COG5: variants seen among roughly 807,000 people sequenced by gnomAD.
COG5 encodes the protein conserved oligomeric Golgi complex subunit 5.
In COG5, 86 loss-of-function variants were observed where a neutral mutation model predicts 110.4. That is an observed-to-expected ratio of 0.78 (90% CI 0.65 to 0.93). COG5 has a LOEUF of 0.93. COG5 is among the 40% of genes least tolerant of loss of function. The pLI is 0.00. For missense variants in COG5, 1,077 were observed against 987.0 expected (o/e 1.09, Z -1.22); for synonymous variants, 360 against 334.6 (o/e 1.08, Z -0.83).
chr7:107,474,946 C>T lies in COG5; in HGVS notation c.538+52291G>A, dbSNP rs941415102. On this transcript the variant is annotated intron_variant, in intron 6 of 21. Transcript: ENST00000297135. This position sits in a 1 kb window ranked among gnomAD's most constrained non-coding sequence, Gnocchi z 5.7. ...AGTTTCTGTAATAATTGCCCTCCGG[C>T]GAGCTGTGAAACGACACCGTGAACG... The T allele has an allele frequency of 1.9e-6, 3 of 1,612,376 alleles. No homozygotes were observed. Among genetic ancestry groups the T allele is most frequent in the Non-Finnish European group, 2.5e-6 (3 of 1,179,262 alleles).
Position 107,281,419 on chromosome 7 carries a change from T to A in COG5, c.1476-20A>T. 2 of 1,526,424 alleles carry A rather than the reference T, an allele frequency of 1.3e-6. No homozygotes were observed. Among genetic ancestry groups the A allele is most frequent in the Non-Finnish European group, 1.8e-6 (2 of 1,100,488 alleles). 94.6% of individuals were successfully genotyped at this position (1,526,424 alleles called of 1,614,324 possible). On this transcript the variant is annotated intron_variant, in intron 13 of 21. Coordinates refer to ENST00000297135, the MANE Select transcript of COG5 (RefSeq NM_006348.5). ...AGTTCACTGGAGAAAATGAAAACAGTTTTTAAATATTAGCAACATCATTCA... is the reference window on the plus strand; with the variant it reads ...AGTTCACTGGAGAAAATGAAAACAGATTTTAAATATTAGCAACATCATTCA...
intron 15 of COG5, among the ~76,000 whole-genome samples, chr7:107,257,429 T>C (rs778516652): frequency 2.0e-4 from 31 of 152,136 alleles, no homozygotes; most frequent in Non-Finnish European, 4.0e-4. Flanking sequence ...AAACCGCTAA[T>C]TGATAAAAGG....
At chr7:107,493,761 A>G (rs1014468300) in intron 6 of COG5, among the ~76,000 whole-genome samples, 1 of 152,140 alleles carries the variant, frequency 6.6e-6, no homozygotes, top group Non-Finnish European at 1.5e-5. Flanking sequence ...AACATCTAGA[A>G]TCTCTTAGAA....
intron 6 of COG5, among the ~76,000 whole-genome samples, chr7:107,491,390 C>T (rs59789058): frequency 5.3e-5 from 8 of 152,252 alleles, no homozygotes; most frequent in African/African-American, 1.7e-4. Context: ...TTTTATCCTA[C>T]TCACTCTCTT....
intron 11 of COG5, among the ~76,000 whole-genome samples, chr7:107,301,217 T>A (rs1341503192): frequency 1.3e-5 from 2 of 152,126 alleles, no homozygotes; most frequent in Admixed American, 1.3e-4. Flanking sequence ...AGACATGATA[T>A]GAAACCAAGA....
intron 19 of COG5, among the ~76,000 whole-genome samples, chr7:107,219,501 C>T (rs1799754712): frequency 6.6e-6 from 1 of 152,128 alleles, no homozygotes; most frequent in Non-Finnish European, 1.5e-5. Context: ...TACTATTCAG[C>T]CTTCAAAAAG....
intron 10 of COG5, among the ~76,000 whole-genome samples, chr7:107,325,951 A>G (rs1809729218): frequency 6.6e-6 from 1 of 152,198 alleles, no homozygotes; most frequent in South Asian, 2.1e-4. Flanking sequence ...TCAGATTCCT[A>G]AGATTTTATG....
intron 3 of COG5, 100 bp from the exon 4 acceptor site, chr7:107,548,432 CT>C (rs1194076187): frequency 7.0e-6 from 8 of 1,146,408 alleles, no homozygotes; most frequent in Admixed American, 1.7e-5. Flanking sequence ...ATAATTTTAA[CT>C]TTTTTTGTCA....
intron 7 of COG5, among the ~76,000 whole-genome samples, chr7:107,377,319 T>C (rs1240249857): frequency 6.6e-6 from 1 of 152,206 alleles, no homozygotes; most frequent in East Asian, 1.9e-4. Flanking sequence ...TTCCAGAAAT[T>C]TGTCAATTTC....
chr7:107,415,760 A>ATG (rs1172080827), intron 6 of COG5, among the ~76,000 whole-genome samples: 22 of 145,308 alleles, frequency 1.5e-4, no homozygotes, highest in Middle Eastern at 3.7e-3. Context: ...GTATATATGT[A>ATG]TGTGTGTATA....
intron 6 of COG5, among the ~76,000 whole-genome samples, chr7:107,429,407 G>A (rs938135341): frequency 6.6e-6 from 1 of 151,404 alleles, no homozygotes; most frequent in Admixed American, 6.6e-5. Flanking sequence ...TGTGCTCATT[G>A]GCCATTTGCA....
chr7:107,328,173 C>A (rs1275131736), intron 10 of COG5, among the ~76,000 whole-genome samples: 2 of 152,166 alleles, frequency 1.3e-5, no homozygotes, highest in African/African-American at 4.8e-5. Flanking sequence ...TGTACTTACA[C>A]AAACCTAGAA....
At chr7:107,458,374 A>G (rs2129098970) in intron 6 of COG5, among the ~76,000 whole-genome samples, 1 of 152,362 alleles carries the variant, frequency 6.6e-6, no homozygotes, top group South Asian at 2.1e-4. Flanking sequence ...TATTTAAAAC[A>G]AAAATAGTGA....
At chr7:107,360,756 C>G (rs763897287) in intron 10 of COG5, among the ~76,000 whole-genome samples, 1 of 152,260 alleles carries the variant, frequency 6.6e-6, no homozygotes, top group Non-Finnish European at 1.5e-5. Flanking sequence ...CCTGGCTGTG[C>G]ACAGTGGCTG....
intron 6 of COG5, among the ~76,000 whole-genome samples, chr7:107,465,037 T>G (rs2129103704): frequency 6.6e-6 from 1 of 152,290 alleles, no homozygotes; most frequent in African/African-American, 2.4e-5. Flanking sequence ...TCTCAGCATA[T>G]CCGGCAAGAA....
At chr7:107,386,481 G>A (rs965137708) in intron 7 of COG5, among the ~76,000 whole-genome samples, 1 of 152,086 alleles carries the variant, frequency 6.6e-6, no homozygotes, top group African/African-American at 2.4e-5. Flanking sequence ...ACGACGGACC[G>A]CCGAAAAGAA....
intron 7 of COG5, among the ~76,000 whole-genome samples, chr7:107,401,072 T>C (rs1791388382): frequency 6.6e-6 from 1 of 152,162 alleles, no homozygotes; most frequent in South Asian, 2.1e-4. Context: ...ACACTACGTA[T>C]GCTGTTTGTT....
intron 5 of COG5, among the ~76,000 whole-genome samples, chr7:107,528,729 C>G (rs17482543): frequency 0.13 from 19,343 of 152,112 alleles, 1,507 homozygotes; most frequent in Non-Finnish European, 0.17. Context: ...AAGGACATCT[C>G]CCCTGTTTAA....
chr7:107,244,508 C>T (rs1801897855), intron 17 of COG5, among the ~76,000 whole-genome samples: 1 of 151,918 alleles, frequency 6.6e-6, no homozygotes, highest in Admixed American at 6.6e-5. Flanking sequence ...GACATGAAAA[C>T]CATTCAGAAG....
Sources: allele counts gnomAD v4.1 joint callset (sites outside exome capture counted in the v4.1 genomes callset), GRCh38; gene constraint gnomAD v4.1.1; non-coding constraint Gnocchi (gnomAD v3.1); transcripts MANE v1.5; gene names NCBI Gene and HGNC (gene_info 2026-07-23, HGNC 2026-07-21).